The following ASIC2 variants were observed in gnomAD, a reference collection of about 807,000 sequenced individuals.
ASIC2 encodes acid-sensing ion channel 2.
ASIC2 carries 25 observed loss-of-function variants against 57.3 expected under a neutral mutation model. The observed-to-expected ratio is 0.44, with a 90% CI of 0.32 to 0.61. The LOEUF is 0.61. Ranked by LOEUF, ASIC2 falls within the 20% of genes least tolerant of loss-of-function variation. The pLI is 0.06. For missense variants in ASIC2, 641 were observed against 738.1 expected (o/e 0.87, Z 1.52); for synonymous variants, 319 against 307.5 (o/e 1.04, Z -0.39).
chr17:33,180,677 T>G (rs554560572), intron 1 of ASIC2, among the ~76,000 whole-genome samples: 1 of 152,178 alleles, frequency 6.6e-6, no homozygotes, highest in Non-Finnish European at 1.5e-5. Flanking sequence ...ACTGGGAACC[T>G]GGGCTGTGAG....
chr17:33,696,085 T>C (rs987875627), intron 1 of ASIC2, among the ~76,000 whole-genome samples: 1 of 152,210 alleles, frequency 6.6e-6, no homozygotes, highest in African/African-American at 2.4e-5. Context: ...AGTGTGGCAG[T>C]GAATATCCTT....
chr17:34,037,914 A>G, intron 1 of ASIC2: 1 of 1,613,856 alleles, frequency 6.2e-7, no homozygotes, highest in African/African-American at 1.3e-5. Context: ...TTCCTTCCAT[A>G]AAGACACTGA....
intron 1 of ASIC2, among the ~76,000 whole-genome samples, chr17:33,240,644 C>T (rs974602865): frequency 3.9e-5 from 6 of 152,174 alleles, no homozygotes; most frequent in East Asian, 1.9e-4. Flanking sequence ...TAACAGGCAA[C>T]GAGAGGCTGT....
At chr17:33,212,881 C>G (rs527944221) in intron 1 of ASIC2, among the ~76,000 whole-genome samples, 1 of 152,354 alleles carries the variant, frequency 6.6e-6, no homozygotes, top group South Asian at 2.1e-4. Context: ...GAGGCCAGCA[C>G]AGGCTCAAGC....
intron 3 of ASIC2, among the ~76,000 whole-genome samples, chr17:33,081,558 G>A (rs964803216): frequency 2.6e-5 from 4 of 151,080 alleles, no homozygotes; most frequent in African/African-American, 9.8e-5. Context: ...TCTCTCTTCT[G>A]CCTTGAAAAA....
chr17:33,312,474 T>C (rs1442305856), intron 1 of ASIC2, among the ~76,000 whole-genome samples: 3 of 152,192 alleles, frequency 2.0e-5, no homozygotes, highest in African/African-American at 7.2e-5. Context: ...AGAGCCAATA[T>C]GGCAGACATC....
At chr17:33,724,743 A>G (rs968387489) in intron 1 of ASIC2, among the ~76,000 whole-genome samples, 2 of 152,196 alleles carry the variant, frequency 1.3e-5, no homozygotes, top group Admixed American at 6.5e-5. Flanking sequence ...TTTGATGCCC[A>G]TTAAACACCC....
intron 1 of ASIC2, among the ~76,000 whole-genome samples, chr17:33,201,693 C>T (rs922022043): frequency 1.3e-5 from 2 of 152,272 alleles, no homozygotes; most frequent in Non-Finnish European, 2.9e-5. Context: ...CGGTAAGGAG[C>T]AGTATATCTG....
At chr17:33,627,923 G>C (rs1044994194) in intron 1 of ASIC2, among the ~76,000 whole-genome samples, 2 of 152,110 alleles carry the variant, frequency 1.3e-5, no homozygotes, top group Admixed American at 6.5e-5. Flanking sequence ...CCAGCTACTC[G>C]GGAGGCTGAG....
At chr17:33,903,397 C>A (rs532669454) in intron 1 of ASIC2, among the ~76,000 whole-genome samples, 3 of 152,166 alleles carry the variant, frequency 2.0e-5, no homozygotes, top group African/African-American at 4.8e-5. Flanking sequence ...TGTTTTATAG[C>A]TCACCAGGCC....
chr17:33,311,208 G>T (rs1906402463), intron 1 of ASIC2, among the ~76,000 whole-genome samples: 1 of 152,204 alleles, frequency 6.6e-6, no homozygotes, highest in Non-Finnish European at 1.5e-5. Context: ...ATGCTTCTAG[G>T]TCTCTAGGTA....
chr17:33,857,064 G>T (rs1913976460), intron 1 of ASIC2, among the ~76,000 whole-genome samples: 1 of 152,022 alleles, frequency 6.6e-6, no homozygotes, highest in Non-Finnish European at 1.5e-5. Context: ...GATTAAGGAG[G>T]GTGTGCATTG....
At chr17:33,182,008 G>A (rs180756679) in intron 1 of ASIC2, among the ~76,000 whole-genome samples, 2 of 152,168 alleles carry the variant, frequency 1.3e-5, no homozygotes, top group Non-Finnish European at 2.9e-5. Flanking sequence ...GATGGGAAAG[G>A]GATATGGGAC....
At chr17:33,617,656 T>C (rs1489828942) in intron 1 of ASIC2, among the ~76,000 whole-genome samples, 1 of 152,204 alleles carries the variant, frequency 6.6e-6, no homozygotes, top group East Asian at 1.9e-4. Context: ...AAAATAAAAG[T>C]TAAATTATGC....
intron 1 of ASIC2, among the ~76,000 whole-genome samples, chr17:33,212,086 C>CTAAGT (rs1907297196): frequency 6.6e-6 from 1 of 152,186 alleles, no homozygotes; most frequent in South Asian, 2.1e-4. Context: ...CTGTCTGTCT[C>CTAAGT]TAAGGCTCCC....
intron 1 of ASIC2, among the ~76,000 whole-genome samples, chr17:33,991,182 A>G (rs901235189): frequency 3.3e-5 from 5 of 152,216 alleles, no homozygotes; most frequent in Non-Finnish European, 7.3e-5. Flanking sequence ...TCTTTTCCTT[A>G]TTAACTGAGT....
intron 2 of ASIC2, among the ~76,000 whole-genome samples, chr17:33,093,979 C>T (rs900184356): frequency 6.6e-6 from 1 of 152,160 alleles, no homozygotes; most frequent in African/African-American, 2.4e-5. Flanking sequence ...AGTGGGGGAA[C>T]CCTAGCTCCC....
intron 1 of ASIC2, among the ~76,000 whole-genome samples, chr17:33,441,453 C>T (rs903273306): frequency 6.6e-6 from 1 of 152,056 alleles, no homozygotes; most frequent in African/African-American, 2.4e-5. Flanking sequence ...ACATTTAGGT[C>T]TATGTTCCAG....
chr17:34,036,680 G>GGTT (rs1567796362), intron 1 of ASIC2: 6 of 100,542 alleles, frequency 6.0e-5, no homozygotes, highest in Middle Eastern at 7.5e-3. Context: ...CTTTGAATTT[G>GGTT]TTTTTTTTTT....
Sources: allele counts gnomAD v4.1 joint callset (sites outside exome capture counted in the v4.1 genomes callset), GRCh38; gene constraint gnomAD v4.1.1; transcripts MANE v1.5; gene names NCBI Gene and HGNC (gene_info 2026-07-23, HGNC 2026-07-21).